The following GFRA1 variants were observed in gnomAD, a reference collection of about 807,000 sequenced individuals.
The protein encoded by GFRA1 is GDNF family receptor alpha-1.
Under a neutral mutation model 51.6 loss-of-function variants are expected in GFRA1, and 16 were observed. The observed-to-expected ratio is 0.31, with a 90% confidence interval of 0.21 to 0.47. GFRA1 has a LOEUF of 0.47. Among genes scored for constraint, GFRA1 ranks in the 20% least tolerant of loss-of-function variants. The probability of loss-of-function intolerance (pLI) is 1.00; values close to 1 mark genes in which losing one functional copy is unlikely to be tolerated. For missense variants in GFRA1, 530 were observed against 594.3 expected (o/e 0.89, Z 1.13); for synonymous variants, 270 against 241.3 (o/e 1.12, Z -1.10).
At chr10:116,221,330 GA>G (rs1406488893) in intron 4 of GFRA1, among the ~76,000 whole-genome samples, 1 of 152,140 alleles carries the variant, frequency 6.6e-6, no homozygotes, top group East Asian at 1.9e-4. Flanking sequence ...GTCTCTCAAT[GA>G]ATACACCATT....
intron 9 of GFRA1, among the ~76,000 whole-genome samples, chr10:116,075,344 C>T (rs1000132552): frequency 1.3e-5 from 2 of 152,112 alleles, no homozygotes; most frequent in Admixed American, 6.5e-5. Flanking sequence ...TAAAGGTCAC[C>T]GGATGCCGCC....
intron 6 of GFRA1, among the ~76,000 whole-genome samples, chr10:116,117,082 C>T (rs1180197108): frequency 6.6e-6 from 1 of 152,190 alleles, no homozygotes. Flanking sequence ...CTGATTCCTA[C>T]GTCCTCTGTG....
intron 5 of GFRA1, among the ~76,000 whole-genome samples, chr10:116,171,401 A>C (rs1388934195): frequency 6.6e-6 from 1 of 152,188 alleles, no homozygotes; most frequent in Admixed American, 6.5e-5. Flanking sequence ...TAATGACAAG[A>C]CCCAACTATA....
At chr10:116,182,845 A>G (rs1369013224) in intron 5 of GFRA1, among the ~76,000 whole-genome samples, 4 of 152,190 alleles carry the variant, frequency 2.6e-5, no homozygotes, top group Non-Finnish European at 5.9e-5. Context: ...GGTATCAAAC[A>G]ATGACATCCC....
In GFRA1 at chr10:116,253,725, A is replaced by AT. The variant is rs544301355; in HGVS notation, c.418+15777dup. On this transcript the variant is annotated intron_variant, in intron 4 of 10. Coordinates refer to ENST00000355422, the MANE Select transcript of GFRA1 (RefSeq NM_005264.8). ...GCCTCTCTAAAATAAAAAGCATGTA[A>AT]TTTTTTTTCTGTTCAAATACAAAGG... is the stretch of plus-strand genomic sequence containing the variant. Among the ~76,000 whole-genome samples the AT allele has an allele frequency of 5.5e-4, 83 of 152,104 alleles. No individual in the cohort carries two copies. In the East Asian group the frequency reaches 8.1e-3, roughly 15 times the overall value.
chr10:116,251,384 C>T (rs1968345901), intron 4 of GFRA1, among the ~76,000 whole-genome samples: 2 of 152,154 alleles, frequency 1.3e-5, no homozygotes, highest in African/African-American at 4.8e-5. Context: ...GCAGTTTTCA[C>T]CCAAGACAGC....
chr10:116,181,806 G>C (rs1962254106), intron 5 of GFRA1, among the ~76,000 whole-genome samples: 2 of 151,812 alleles, frequency 1.3e-5, no homozygotes, highest in African/African-American at 4.8e-5. Context: ...ACTATGCCCG[G>C]CTAATTTTTT....
At chr10:116,201,736 TG>T (rs1185193346) in intron 5 of GFRA1, among the ~76,000 whole-genome samples, 3 of 152,142 alleles carry the variant, frequency 2.0e-5, no homozygotes, top group Non-Finnish European at 4.4e-5. Context: ...CTAAGTCCCC[TG>T]GGGTCCCTGA....
intron 9 of GFRA1, among the ~76,000 whole-genome samples, chr10:116,088,176 A>G (rs1332928746): frequency 6.6e-6 from 1 of 152,118 alleles, no homozygotes; most frequent in African/African-American, 2.4e-5. Context: ...GTCTCGAGAT[A>G]CCAAGCAAAT....
chr10:116,232,780 C>T (rs1366832611), intron 4 of GFRA1, among the ~76,000 whole-genome samples: 1 of 152,204 alleles, frequency 6.6e-6, no homozygotes, highest in Non-Finnish European at 1.5e-5. Context: ...AACCTCAGAT[C>T]TTGCCAGGGT....
chr10:116,236,336 C>T (rs973175446), intron 4 of GFRA1, among the ~76,000 whole-genome samples: 3 of 152,108 alleles, frequency 2.0e-5, no homozygotes, highest in African/African-American at 2.4e-5. Flanking sequence ...CCCCTTTCAG[C>T]AGAGAAAGGT....
rs1954622330 is a variant in GFRA1 at position 116,057,997 on chromosome 10, T to TGC, written c.*6400_*6401insGC. 1.7e-5 allele frequency: 1 copy of TGC among 58,374 alleles called. No individual in the cohort carries two copies. The highest frequency in any genetic ancestry group is 1.4e-4 in the Admixed American group (1 of 7,112). 3.6% of individuals were successfully genotyped at this position (58,374 alleles called of 1,614,324 possible). ...CATATAGCCCTCCAATCATTGTGTG[T>TGC]GTGTGTGTGTGTGTGTGTGTGTGTG... On this transcript the variant is annotated 3_prime_UTR_variant, in exon 11 of 11. Transcript: ENST00000355422.
chr10:116,188,121 G>A (rs1243364130), intron 5 of GFRA1, among the ~76,000 whole-genome samples: 5 of 152,218 alleles, frequency 3.3e-5, no homozygotes, highest in South Asian at 2.1e-4. Context: ...CAGGATGTAG[G>A]GGCCAGTAGA....
chr10:116,073,934 GGT>G (rs758150383), intron 9 of GFRA1, among the ~76,000 whole-genome samples: 13 of 152,080 alleles, frequency 8.5e-5, no homozygotes, highest in South Asian at 2.1e-4. Context: ...GAACATGGTT[GGT>G]GTTGCAAAAA....
chr10:116,226,353 G>C (rs1966292945), intron 4 of GFRA1, among the ~76,000 whole-genome samples: 1 of 152,188 alleles, frequency 6.6e-6, no homozygotes, highest in Non-Finnish European at 1.5e-5. Context: ...CCCTCGAAGA[G>C]TCACGATCAA....
intron 9 of GFRA1, among the ~76,000 whole-genome samples, chr10:116,083,252 G>C (rs976001776): frequency 1.3e-5 from 2 of 152,184 alleles, no homozygotes; most frequent in African/African-American, 2.4e-5. Flanking sequence ...GTAAGGACAG[G>C]GGGTGAACCC....
At chr10:116,269,887 G>A (rs1016200789) in intron 3 of GFRA1, among the ~76,000 whole-genome samples, 3 of 152,056 alleles carry the variant, frequency 2.0e-5, no homozygotes, top group Non-Finnish European at 4.4e-5. Flanking sequence ...AGCCGGTGAC[G>A]TCACGAGCCC....
At chr10:116,203,673 C>T (rs1020063611) in intron 5 of GFRA1, among the ~76,000 whole-genome samples, 2 of 152,200 alleles carry the variant, frequency 1.3e-5, no homozygotes, top group African/African-American at 4.8e-5. Context: ...GCCTCATAAT[C>T]TAGCCCGAGG....
At position 116,064,106 on chromosome 10, in the gene GFRA1, C is replaced by CATGATGATCATCATCATGATCATGAT. The variant is rs1954975440; in HGVS notation, c.*291_*292insATCATGATCATGATGATGATCATCAT. 1 of 320,786 alleles carries CATGATGATCATCATCATGATCATGAT rather than the reference C, an allele frequency of 3.1e-6. No individual in the cohort carries two copies. The highest frequency in any genetic ancestry group is 2.3e-5 in the African/African-American group (1 of 42,770). The allele number at this position is 320,786 out of a possible 1,614,324, so 19.9% of individuals were successfully genotyped here. ...TCATCATCATGATCATCATCATCAT[C>CATGATGATCATCATCATGATCATGAT]GAAAACACAGCCCCAGTTTGCTTTA... On this transcript the variant is annotated 3_prime_UTR_variant, in exon 11 of 11. Coordinates refer to ENST00000355422, the MANE Select transcript of GFRA1 (RefSeq NM_005264.8).
Sources: gnomAD v4.1 joint callset for allele counts (sites outside exome capture counted in the v4.1 genomes callset) on GRCh38, gnomAD v4.1.1 for gene constraint, MANE v1.5 for transcripts, NCBI Gene and HGNC (gene_info 2026-07-23, HGNC 2026-07-21) for gene names.